SPAG16: variants seen among roughly 807,000 people sequenced by gnomAD.
SPAG16 encodes sperm associated antigen 16.
In SPAG16, 86 loss-of-function variants were observed where a neutral mutation model predicts 80.4. That is an observed-to-expected ratio of 1.07 (90% CI 0.90 to 1.28). The LOEUF is 1.28. SPAG16 is among the 50% of genes most tolerant of loss of function. The pLI is 0.00. For synonymous variants in SPAG16, 294 were observed against 265.9 expected (o/e 1.11, Z -1.03); for missense variants, 870 against 765.3 (o/e 1.14, Z -1.61).
intron 9 of SPAG16, among the ~76,000 whole-genome samples, chr2:213,452,959 A>G (rs1559147684): frequency 6.6e-6 from 1 of 152,218 alleles, no homozygotes; most frequent in Admixed American, 6.5e-5. Flanking sequence ...TTTTGAAGAG[A>G]TCTTTTTGAA....
intron 10 of SPAG16, among the ~76,000 whole-genome samples, chr2:213,551,311 A>G (rs1315288080): frequency 2.0e-5 from 3 of 152,276 alleles, no homozygotes; most frequent in Non-Finnish European, 4.4e-5. Flanking sequence ...TCTTGTAGTG[A>G]TATGTGATTT....
intron 15 of SPAG16, among the ~76,000 whole-genome samples, chr2:214,302,701 T>C (rs977150094): frequency 2.0e-5 from 3 of 152,188 alleles, no homozygotes; most frequent in Non-Finnish European, 2.9e-5. Flanking sequence ...CAGGCTGGAC[T>C]TGAACTCCTG....
At chr2:213,297,179 G>A (rs549446778) in intron 2 of SPAG16, 83 bp from the exon 3 acceptor site, 1 of 1,497,324 alleles carries the variant, frequency 6.7e-7, no homozygotes, top group African/African-American at 1.4e-5. Context: ...TTTGATTTGT[G>A]AAGCAAAATT....
At chr2:213,858,674 G>A (rs1476572710) in intron 10 of SPAG16, among the ~76,000 whole-genome samples, 1 of 152,070 alleles carries the variant, frequency 6.6e-6, no homozygotes, top group Non-Finnish European at 1.5e-5. Context: ...ATTTATGTAT[G>A]CAATGTTGGG....
At chr2:214,229,676 T>C (rs2125797119) in intron 15 of SPAG16, among the ~76,000 whole-genome samples, 1 of 151,802 alleles carries the variant, frequency 6.6e-6, no homozygotes, top group South Asian at 2.1e-4. Context: ...ACAAAAACAA[T>C]AGTTCACAGC....
intron 15 of SPAG16, among the ~76,000 whole-genome samples, chr2:214,384,995 A>G (rs1272122695): frequency 1.3e-5 from 2 of 152,228 alleles, no homozygotes; most frequent in Non-Finnish European, 2.9e-5. Context: ...ATTGACAACC[A>G]GAGACAACCA....
intron 10 of SPAG16, among the ~76,000 whole-genome samples, chr2:213,635,186 C>T (rs2062314581): frequency 6.6e-6 from 1 of 151,948 alleles, no homozygotes; most frequent in Non-Finnish European, 1.5e-5. Flanking sequence ...AGGTGCCCGC[C>T]ACCATGCCTG....
At chr2:214,195,457 A>C (rs2057804523) in intron 15 of SPAG16, among the ~76,000 whole-genome samples, 1 of 152,088 alleles carries the variant, frequency 6.6e-6, no homozygotes, top group African/African-American at 2.4e-5. Flanking sequence ...ATTAGATATG[A>C]GGAGACCACT....
intron 10 of SPAG16, among the ~76,000 whole-genome samples, chr2:213,600,704 A>G (rs1008606181): frequency 2.6e-5 from 4 of 152,118 alleles, no homozygotes; most frequent in African/African-American, 9.6e-5. Flanking sequence ...GGCCGTACTT[A>G]GTGACATTAA....
At chr2:213,422,934 C>A (rs1169553465) in intron 9 of SPAG16, among the ~76,000 whole-genome samples, 1 of 152,212 alleles carries the variant, frequency 6.6e-6, no homozygotes, top group African/African-American at 2.4e-5. Context: ...AAGTACTTTT[C>A]TCTTCCCTGC....
At chr2:213,584,736 AT>A (rs1233532134) in intron 10 of SPAG16, among the ~76,000 whole-genome samples, 1 of 152,188 alleles carries the variant, frequency 6.6e-6, no homozygotes, top group Non-Finnish European at 1.5e-5. Context: ...GAACTTAACC[AT>A]TTCTAAAACT....
At chr2:214,142,347 T>C (rs1284509738) in intron 14 of SPAG16, among the ~76,000 whole-genome samples, 1 of 152,194 alleles carries the variant, frequency 6.6e-6, no homozygotes, top group East Asian at 1.9e-4. Context: ...CTTTAAAATC[T>C]TTTTCAGTCT....
chr2:214,239,801 A>G (rs1350336612), intron 15 of SPAG16: 1 of 152,172 alleles, frequency 6.6e-6, no homozygotes, highest in Non-Finnish European at 1.5e-5. Context: ...TGAAAACATA[A>G]TGGATCTGGT....
chr2:214,030,493 T>C (rs1318077069), intron 13 of SPAG16, among the ~76,000 whole-genome samples: 2 of 152,198 alleles, frequency 1.3e-5, no homozygotes, highest in East Asian at 3.8e-4. Context: ...TGTAAATAGA[T>C]CTTGTCAATT....
chr2:214,397,693 C>A (rs966667070), intron 15 of SPAG16, among the ~76,000 whole-genome samples: 1 of 152,134 alleles, frequency 6.6e-6, no homozygotes, highest in Non-Finnish European at 1.5e-5. Context: ...GCATAAGAGT[C>A]TTTTAGGAGG....
intron 15 of SPAG16, among the ~76,000 whole-genome samples, chr2:214,337,303 A>G (rs1697368610): frequency 6.6e-6 from 1 of 152,002 alleles, no homozygotes; most frequent in South Asian, 2.1e-4. Flanking sequence ...TAAGAAATCC[A>G]CTCCCTAGAA....
At chr2:213,643,267 C>T (rs1277672687) in intron 10 of SPAG16, among the ~76,000 whole-genome samples, 2 of 145,952 alleles carry the variant, frequency 1.4e-5, no homozygotes, top group African/African-American at 2.5e-5. Context: ...ATTCAGCACT[C>T]TAAATATGTC....
intron 13 of SPAG16, among the ~76,000 whole-genome samples, chr2:214,075,619 G>A (rs1251551369): frequency 6.6e-6 from 1 of 152,072 alleles, no homozygotes; most frequent in East Asian, 1.9e-4. Context: ...ATATGCAGAA[G>A]AAAAACTTCA....
At chr2:213,844,862 C>T (rs528753999) in intron 10 of SPAG16, among the ~76,000 whole-genome samples, 3 of 151,978 alleles carry the variant, frequency 2.0e-5, no homozygotes, top group South Asian at 2.1e-4. Flanking sequence ...TAAAGGTTGT[C>T]GTAGGATAAT....
Sources: allele counts gnomAD v4.1 joint callset (sites outside exome capture counted in the v4.1 genomes callset), GRCh38; gene constraint gnomAD v4.1.1; transcripts MANE v1.5; gene names NCBI Gene and HGNC (gene_info 2026-07-23, HGNC 2026-07-21).